The following PARD3 variants were observed in gnomAD, a reference collection of about 807,000 sequenced individuals.
PARD3 encodes the protein par-3 family cell polarity regulator.
In PARD3, 75 loss-of-function variants were observed where a neutral mutation model predicts 155.4. The observed-to-expected ratio is 0.48, with a 90% CI of 0.40 to 0.58. PARD3 has a LOEUF of 0.58. PARD3 is among the 20% of genes least tolerant of loss of function. PARD3 has a pLI of 0.00. For synonymous variants in PARD3, 576 were observed against 610.5 expected, an observed-to-expected ratio of 0.94 and a Z score of 0.83; for missense variants, 1,642 against 1,721.7, an observed-to-expected ratio of 0.95 and a Z score of 0.82.
At chr10:34,538,791 G>C (rs1425544035) in intron 2 of PARD3, among the ~76,000 whole-genome samples, 1 of 152,154 alleles carries the variant, frequency 6.6e-6, no homozygotes, top group Admixed American at 6.5e-5. Context: ...GCTCCGGCAG[G>C]GCACCAATGA....
intron 22 of PARD3, among the ~76,000 whole-genome samples, chr10:34,160,387 C>T (rs1356236016): frequency 6.6e-6 from 1 of 152,210 alleles, no homozygotes; most frequent in East Asian, 1.9e-4. Context: ...CCTCTAAGCA[C>T]TAATACTCAA....
At chr10:34,660,887 T>C (rs997550621) in intron 2 of PARD3, among the ~76,000 whole-genome samples, 1 of 152,220 alleles carries the variant, frequency 6.6e-6, no homozygotes, top group Non-Finnish European at 1.5e-5. Context: ...TGTGTTTCAT[T>C]ATAATTTTTT....
intron 22 of PARD3, among the ~76,000 whole-genome samples, chr10:34,185,623 A>G (rs993195944): frequency 7.2e-5 from 11 of 151,842 alleles, no homozygotes; most frequent in African/African-American, 1.9e-4. Context: ...TATCTTTAAG[A>G]TATTTTTTGC....
chr10:34,615,575 T>C (rs1207691819), intron 2 of PARD3, among the ~76,000 whole-genome samples: 2 of 152,122 alleles, frequency 1.3e-5, no homozygotes, highest in African/African-American at 4.8e-5. Flanking sequence ...TGAGAACTCA[T>C]GCAACAAAAG....
chr10:34,736,971 C>G (rs1242330739), intron 1 of PARD3, among the ~76,000 whole-genome samples: 1 of 152,162 alleles, frequency 6.6e-6, no homozygotes, highest in Non-Finnish European at 1.5e-5. Context: ...GCCACCATGC[C>G]TGGCCAAAAT....
At chr10:34,243,428 A>T (rs1282846957) in intron 22 of PARD3, among the ~76,000 whole-genome samples, 1 of 152,250 alleles carries the variant, frequency 6.6e-6, no homozygotes, top group Non-Finnish European at 1.5e-5. Context: ...ATTCCATTTA[A>T]AATAAACTCC....
intron 18 of PARD3, among the ~76,000 whole-genome samples, chr10:34,331,563 G>T (rs529527019): frequency 6.6e-6 from 1 of 152,110 alleles, no homozygotes; most frequent in Non-Finnish European, 1.5e-5. Context: ...CTTTGCATTA[G>T]GAAAAACTCT....
intron 2 of PARD3, among the ~76,000 whole-genome samples, chr10:34,565,260 C>CTTTTTTTGTTTTTTTTTTTTTTTTT (rs2085828260): frequency 2.5e-5 from 1 of 39,666 alleles, no homozygotes; most frequent in African/African-American, 1.1e-4. Flanking sequence ...AGGAGCAAGG[C>CTTTTTTTGTTTTTTTTTTTTTTTTT]TTTTTTTTTT....
At chr10:34,149,518 A>G (rs1043522423) in intron 22 of PARD3, among the ~76,000 whole-genome samples, 3 of 152,148 alleles carry the variant, frequency 2.0e-5, no homozygotes, top group African/African-American at 7.2e-5. Context: ...TTTGCAAGCT[A>G]TATTAAAAAA....
intron 2 of PARD3, among the ~76,000 whole-genome samples, chr10:34,579,558 G>C (rs989134002): frequency 1.5e-4 from 18 of 123,304 alleles, no homozygotes; most frequent in Middle Eastern, 3.8e-3. Context: ...TTTTCTCTGT[G>C]TGTGTGTGTG....
rs139856474 is a variant in PARD3, at chr10:34,193,295, G to A, written c.3420-61712C>T. On this transcript the variant is annotated intron_variant, in intron 22 of 24. Transcript: ENST00000374788. ...TGAAAAACCTAGAAAGGGAGAGATT[G>A]TAAATTCATGGATTTTTCCCTAAAT... Among the ~76,000 whole-genome samples, 834 of 152,280 alleles carry A rather than the reference G, an allele frequency of 5.5e-3. 13 individuals are homozygous for A. The highest frequency in any genetic ancestry group is 0.019 in the African/African-American group (800 of 41,572).
chr10:34,526,917 C>T (rs1283582439), intron 2 of PARD3, among the ~76,000 whole-genome samples: 1 of 152,144 alleles, frequency 6.6e-6, no homozygotes, highest in Non-Finnish European at 1.5e-5. Flanking sequence ...TTCCTTAACG[C>T]ATCACTCATT....
At chr10:34,678,029 G>T (rs920414431) in intron 2 of PARD3, among the ~76,000 whole-genome samples, 1 of 151,800 alleles carries the variant, frequency 6.6e-6, no homozygotes, top group East Asian at 1.9e-4. Flanking sequence ...TAGCTTCAAA[G>T]AATTCTTTTT....
At chr10:34,261,308 T>C (rs981209234) in intron 22 of PARD3, among the ~76,000 whole-genome samples, 2 of 152,210 alleles carry the variant, frequency 1.3e-5, no homozygotes, top group African/African-American at 4.8e-5. Context: ...GATTTTATGA[T>C]TTCTTTGTTA....
At chr10:34,353,267 G>C (rs922940445) in intron 14 of PARD3, among the ~76,000 whole-genome samples, 5 of 152,206 alleles carry the variant, frequency 3.3e-5, no homozygotes, top group East Asian at 1.9e-4. Flanking sequence ...CAGTTTTGTC[G>C]AGTAGAAAAG....
chr10:34,586,983 C>T (rs532910253), intron 2 of PARD3, among the ~76,000 whole-genome samples: 23 of 152,222 alleles, frequency 1.5e-4, no homozygotes, highest in Admixed American at 2.6e-4. Context: ...AGGGGTGATA[C>T]GGGACAAACT....
chr10:34,184,572 C>T (rs559056470), intron 22 of PARD3, among the ~76,000 whole-genome samples: 159 of 152,200 alleles, frequency 1.0e-3, no homozygotes, highest in Non-Finnish European at 1.9e-3. Context: ...CTGCCCAGAG[C>T]GTTTATTCAT....
intron 2 of PARD3, among the ~76,000 whole-genome samples, chr10:34,622,827 CTTTTTTTT>C (rs567045063): frequency 0.016 from 1,796 of 113,494 alleles, 43 homozygotes; most frequent in African/African-American, 0.052. Flanking sequence ...TTCTTTTTTT[CTTTTTTTT>C]TTTTTTTTTT....
intron 18 of PARD3, 96 bp from the exon 19 acceptor site, chr10:34,331,440 T>C (rs1356951316): frequency 7.2e-6 from 5 of 694,610 alleles, no homozygotes; most frequent in Non-Finnish European, 1.3e-5. Flanking sequence ...ATAACAATTA[T>C]TTGCTCAATG....
Sources: gnomAD v4.1 joint callset for allele counts (sites outside exome capture counted in the v4.1 genomes callset) on GRCh38, gnomAD v4.1.1 for gene constraint, MANE v1.5 for transcripts, NCBI Gene and HGNC (gene_info 2026-07-23, HGNC 2026-07-21) for gene names.